HGS: variants seen among roughly 807,000 people sequenced by gnomAD.
HGS encodes the protein hepatocyte growth factor-regulated tyrosine kinase substrate.
Under a neutral mutation model 109.7 loss-of-function variants are expected in HGS, and 63 were observed. That is an observed-to-expected ratio of 0.57 (90% CI 0.47 to 0.71). The LOEUF (loss-of-function observed/expected upper bound fraction) is 0.71. Among genes scored for constraint, HGS ranks in the 30% least tolerant of loss-of-function variants. The probability of loss-of-function intolerance (pLI) is 0.00; values close to 1 mark genes in which losing one functional copy is unlikely to be tolerated. For missense variants in HGS, 995 were observed against 1,068.3 expected, an observed-to-expected ratio of 0.93 and a Z score of 0.96; for synonymous variants, 546 against 437.3, an observed-to-expected ratio of 1.25 and a Z score of -3.10.
chr17:81,685,680 G>A lies in HGS; in HGVS notation c.113G>A (p.Gly38Glu). 1 of 1,612,024 alleles carries A rather than the reference G, an allele frequency of 6.2e-7. No individual in the cohort carries two copies. Among genetic ancestry groups the A allele is most frequent in the Non-Finnish European group, 8.5e-7 (1 of 1,179,116 alleles). Residue 38 changes from glycine to glutamate, a missense_variant, in exon 2 of 22, where the codon GGG (glycine) becomes GAG (glutamate). By Grantham distance (98) the Gly-to-Glu change is moderately conservative. Coordinates refer to ENST00000329138, the MANE Select transcript of HGS (RefSeq NM_004712.5). Reference protein sequence around the residue: ...ILQICDLIRQGDTQAKYAVNS... With the variant: ...ILQICDLIRQEDTQAKYAVNS... Reference sequence around the variant, plus strand: ...CAGATCTGCGACCTGATCCGCCAAGGGGACACACAGTGAGTTAGCGGGGCC... The same window carrying A: ...CAGATCTGCGACCTGATCCGCCAAGAGGACACACAGTGAGTTAGCGGGGCC...
Position 81,696,370 on chromosome 17 carries a change from G to A in HGS, c.1407G>A (p.Gly469=), listed in dbSNP as rs147303516. The part of the protein sequence containing the change: ...QLDERRLYYE[G]LQDKLAQIRD... The stretch of plus-strand genomic sequence containing the variant: ...ATCTGCCCACAGTGTACTATGAGGG[G>A]CTGCAGGACAAGCTGGCACAGATCC... Residue 469 remains glycine, a synonymous_variant, in exon 16 of 22, where the codon GGG becomes GGA. Transcript: ENST00000329138. The A allele has an allele frequency of 6.6e-5, 105 of 1,585,886 alleles. No individual in the cohort carries two copies. The African/African-American group carries it at 1.2e-3, about 18-fold the overall frequency.
chr17:81,688,593 T>C (rs961921653), intron 4 of HGS, 111 bp from the exon 5 acceptor site: 2 of 1,386,644 alleles, frequency 1.4e-6, no homozygotes, highest in African/African-American at 1.4e-5. Flanking sequence ...CCCTGGCCTC[T>C]GTGTCAGCCC....
chr17:81,685,021 C>G, intron 1 of HGS: 2 of 985,390 alleles, frequency 2.0e-6, no homozygotes, highest in Non-Finnish European at 2.4e-6. Flanking sequence ...GAGCTGCCCC[C>G]CCAGAGGGGC....
intron 20 of HGS, 84 bp from the exon 21 acceptor site, chr17:81,700,961 C>T: frequency 6.5e-7 from 1 of 1,542,134 alleles, no homozygotes; most frequent in South Asian, 1.1e-5. Context: ...CCTGTGGTCA[C>T]CTTTGGATTG....
At chr17:81,697,115 T>C in intron 18 of HGS, 117 bp downstream of exon 18, 1 of 1,108,184 alleles carries the variant, frequency 9.0e-7, no homozygotes, top group African/African-American at 1.6e-5. Context: ...CCGATGTGAA[T>C]GTTGTCCCTG....
chr17:81,691,214 C>T lies in HGS; in HGVS notation c.538-233C>T. 1 of 548,796 alleles carries T rather than the reference C, an allele frequency of 1.8e-6. No homozygotes were observed. 34.0% of individuals were successfully genotyped at this position (548,796 alleles called of 1,614,324 possible). ...AGAATTGATGTGTATTTTTTCCTTG[C>T]CCTTACTTTTAACTTACCTTATTTT... On this transcript the variant is annotated intron_variant, in intron 7 of 21. Coordinates refer to ENST00000329138, the MANE Select transcript of HGS (RefSeq NM_004712.5). This position sits in a 1 kb window ranked among gnomAD's most constrained non-coding sequence, Gnocchi z 5.3.
At chr17:81,684,148 C>A (rs757588396) in intron 1 of HGS, 45 bp downstream of exon 1, 21 of 1,468,968 alleles carry the variant, frequency 1.4e-5, no homozygotes, top group Admixed American at 2.5e-5. Flanking sequence ...CAGCCCGCAG[C>A]CTCCGCCCGG....
intron 8 of HGS, chr17:81,692,788 C>G (rs569843653): frequency 2.0e-5 from 3 of 152,274 alleles, no homozygotes; most frequent in East Asian, 3.9e-4. Context: ...CAAGACAATC[C>G]TGGCCAACAT....
chr17:81,691,441 T>C lies in HGS; in HGVS notation c.538-6T>C, dbSNP rs763596330. The C allele has an allele frequency of 6.2e-7, 1 of 1,613,890 alleles. No individual in the cohort carries two copies. Among genetic ancestry groups the C allele is most frequent in the Non-Finnish European group, 8.5e-7 (1 of 1,179,942 alleles). Reference sequence around the variant, plus strand: ...TGTGACCAGGCCCGCCCGCCCCATCTTACAGCACCACTGCCGGGCGTGTGG... The same window carrying C: ...TGTGACCAGGCCCGCCCGCCCCATCCTACAGCACCACTGCCGGGCGTGTGG... On this transcript the variant is annotated splice_region_variant and splice_polypyrimidine_tract_variant and intron_variant, in intron 7 of 21. Coordinates refer to ENST00000329138, the MANE Select transcript of HGS (RefSeq NM_004712.5). The surrounding 1 kb of genome is among the most constrained non-coding windows in gnomAD (Gnocchi z 5.3).
At chr17:81,689,580 G>T (rs2037033478) in intron 5 of HGS, among the ~76,000 whole-genome samples, 1 of 152,192 alleles carries the variant, frequency 6.6e-6, no homozygotes, top group African/African-American at 2.4e-5. Flanking sequence ...GTCTGCTGAA[G>T]ACGAGGCTGA....
Position 81,691,841 on chromosome 17 carries a change from T to A in HGS, c.662+270T>A. 2.7e-6 allele frequency: 1 copy of A among 375,394 alleles called. No individual in the cohort carries two copies. The highest frequency in any genetic ancestry group is 4.3e-5 in the South Asian group (1 of 23,258). The allele number at this position is 375,394 out of a possible 1,614,324, so 23.3% of individuals were successfully genotyped here. On this transcript the variant is annotated intron_variant, in intron 8 of 21. Coordinates refer to ENST00000329138, the MANE Select transcript of HGS (RefSeq NM_004712.5). This position sits in a 1 kb window ranked among gnomAD's most constrained non-coding sequence, Gnocchi z 5.3. ...TTGCTTGGGTTTGGGTTTGGGTTTG[T>A]TTGCATTTCAACTTTCGGAATAAAA... is the stretch of plus-strand genomic sequence containing the variant.
At chr17:81,689,339 G>A (rs910105681) in intron 5 of HGS, among the ~76,000 whole-genome samples, 1 of 152,258 alleles carries the variant, frequency 6.6e-6, no homozygotes, top group African/African-American at 2.4e-5. Context: ...CAGGGTTGCT[G>A]TCAGCGCAGC....
Position 81,693,489 on chromosome 17 carries a change from C to T in HGS, c.663-14C>T, listed in dbSNP as rs770234133. 11 of 1,608,676 alleles carry T rather than the reference C, an allele frequency of 6.8e-6. No individual in the cohort carries two copies. In the Admixed American group the frequency reaches 1.5e-4, roughly 22 times the overall value. ...TCAGCGCATGGTGACCTGCAGCATTCCTTGTGCCCACAGGAAAGCGGAGGG... is the reference window on the plus strand; with the variant it reads ...TCAGCGCATGGTGACCTGCAGCATTTCTTGTGCCCACAGGAAAGCGGAGGG... On this transcript the variant is annotated splice_polypyrimidine_tract_variant and intron_variant, in intron 8 of 21. Transcript: ENST00000329138.
At chr17:81,690,082 G>A (rs941191444) in intron 5 of HGS, 100 bp from the exon 6 acceptor site, 43 of 1,308,408 alleles carry the variant, frequency 3.3e-5, no homozygotes, top group Middle Eastern at 1.9e-4. Context: ...TTGGGTGCAC[G>A]GTCACTGCTG....
chr17:81,695,368 C>G (rs2037129771), intron 14 of HGS, 145 bp downstream of exon 14: 2 of 843,194 alleles, frequency 2.4e-6, no homozygotes, highest in East Asian at 2.6e-5. Context: ...GCCTGCCCTG[C>G]CCTGCCCTTT....
rs1345315175 is a variant in HGS, at chr17:81,687,187, G to A, written c.291+92G>A. 4 of 846,362 alleles carry A rather than the reference G, an allele frequency of 4.7e-6. No individual in the cohort carries two copies. The African/African-American group carries it at 6.7e-5, about 14-fold the overall frequency. 52.4% of individuals were successfully genotyped at this position (846,362 alleles called of 1,614,324 possible). A position where few individuals can be genotyped will look rare whatever the true frequency, so the allele number is the denominator to read the frequency against. On this transcript the variant is annotated intron_variant, in intron 4 of 21. Transcript: ENST00000329138. The stretch of plus-strand genomic sequence containing the variant: ...GGGCACTGATGACAGAACAGCACCA[G>A]GTGTGGCGGAAAATGTGCAGGTGCA...
At chr17:81,685,562 C>T in intron 1 of HGS, 43 bp from the exon 2 acceptor site, 1 of 1,445,194 alleles carries the variant, frequency 6.9e-7, no homozygotes, top group African/African-American at 1.4e-5. Context: ...CACGGGGCGT[C>T]CAGCAGGATA....
Position 81,691,681 on chromosome 17 carries a change from A to C in HGS, c.662+110A>C. The C allele has an allele frequency of 7.2e-7, 1 of 1,396,964 alleles. No individual in the cohort carries two copies. Among genetic ancestry groups the C allele is most frequent in the East Asian group, 2.3e-5 (1 of 43,210 alleles). The allele number at this position is 1,396,964 out of a possible 1,614,324, so 86.5% of individuals were successfully genotyped here. On this transcript the variant is annotated intron_variant, in intron 8 of 21. Transcript: ENST00000329138. The surrounding 1 kb of genome is among the most constrained non-coding windows in gnomAD (Gnocchi z 5.3). ...GGCCTGCAGACCCCAGAGGACCCTC[A>C]CAGCACAGCAGCTGGAAGGTCAAGG...
In HGS at chr17:81,693,919, C is replaced by G; in HGVS notation, c.890C>G (p.Ser297Trp). 6.2e-7 allele frequency: 1 copy of G among 1,611,714 alleles called. No individual in the cohort carries two copies. ...TSYPKAEPMP[S>W]ASSAPPASSL... ...TACCCCAAGGCGGAGCCCATGCCCT[C>G]GGCCTCCTCAGCGCCCCCCGCCAGC... is the stretch of plus-strand genomic sequence containing the variant. Residue 297 changes from serine to tryptophan, a missense_variant, in exon 11 of 22, where the codon TCG (serine) becomes TGG (tryptophan). Ser to Trp is a radical substitution (Grantham distance 177, BLOSUM62 -3). Around this residue, in one of 6 missense-constraint regions of HGS, gnomAD observed 300 missense variants for 235.4 expected, o/e 1.27. Coordinates refer to ENST00000329138, the MANE Select transcript of HGS (RefSeq NM_004712.5).
Sources: gnomAD v4.1 joint callset for allele counts (sites outside exome capture counted in the v4.1 genomes callset) on GRCh38, gnomAD v4.1.1 for gene constraint, gnomAD v4.1.1 regional missense constraint, Gnocchi (gnomAD v3.1) non-coding constraint, MANE v1.5 for transcripts, NCBI Gene and HGNC (gene_info 2026-07-23, HGNC 2026-07-21) for gene names.